Variants in REDIC1 observed in about 807,000 individuals in gnomAD.
REDIC1 encodes the protein regulator of DNA class I crossover intermediates 1.
At chr12:39,851,610 T>C in the REDIC1 span, among the ~76,000 whole-genome samples, 1 of 152,076 alleles carries the variant, frequency 6.6e-6, no homozygotes, top group Non-Finnish European at 1.5e-5. Flanking sequence ...GAGTAATAGG[T>C]TTCTACAGTA....
At chr12:39,647,886 C>T in the REDIC1 span, 21 of 1,606,574 alleles carry the variant, frequency 1.3e-5, no homozygotes, top group Non-Finnish European at 1.7e-5. Flanking sequence ...GTGGAGTTAC[C>T]TTCTAACAGA....
At chr12:39,692,177 T>A in the REDIC1 span, 1 of 1,339,910 alleles carries the variant, frequency 7.5e-7, no homozygotes. Context: ...TAGAAATCAG[T>A]TAAATTTGAA....
chr12:39,658,963 A>T, the REDIC1 span, among the ~76,000 whole-genome samples: 3 of 152,014 alleles, frequency 2.0e-5, no homozygotes, highest in African/African-American at 4.8e-5. Context: ...TATGTTTCTT[A>T]TATTTAAGCA....
chr12:39,786,294 T>G, the REDIC1 span, among the ~76,000 whole-genome samples: 2 of 151,940 alleles, frequency 1.3e-5, no homozygotes, highest in African/African-American at 4.8e-5. Flanking sequence ...GATCTGATGG[T>G]TTTATCAGGG....
the REDIC1 span, among the ~76,000 whole-genome samples, chr12:39,732,592 A>G: frequency 6.6e-6 from 1 of 152,220 alleles, no homozygotes; most frequent in Admixed American, 6.5e-5. Flanking sequence ...ATCTACTATT[A>G]AGATACCTAG....
chr12:39,701,026 A>T, the REDIC1 span, among the ~76,000 whole-genome samples: 64 of 152,190 alleles, frequency 4.2e-4, no homozygotes, highest in Admixed American at 4.2e-3. Flanking sequence ...AAACTGCATC[A>T]ACTAACGAGC....
the REDIC1 span, chr12:39,640,971 A>T: frequency 1.1e-5 from 18 of 1,610,542 alleles, no homozygotes; most frequent in Admixed American, 2.5e-4. Flanking sequence ...GGTTCTGATC[A>T]AGCAGGAAAG....
chr12:39,708,950 T>G, the REDIC1 span, among the ~76,000 whole-genome samples: 2 of 151,924 alleles, frequency 1.3e-5, no homozygotes, highest in East Asian at 3.9e-4. Context: ...GTTAGTTTAG[T>G]ATGAAGTATT....
chr12:39,791,064 GTTGT>G, the REDIC1 span, among the ~76,000 whole-genome samples: 10 of 140,650 alleles, frequency 7.1e-5, no homozygotes, highest in African/African-American at 2.6e-4. Context: ...TTTTGATGGG[GTTGT>G]TTGTTTTTTT....
the REDIC1 span, chr12:39,764,882 A>T: frequency 6.2e-7 from 1 of 1,604,748 alleles, no homozygotes; most frequent in Non-Finnish European, 8.5e-7. Context: ...CAATATAAGT[A>T]TTAACTTAAT....
the REDIC1 span, chr12:39,819,825 T>C: frequency 6.5e-6 from 1 of 154,558 alleles, no homozygotes; most frequent in Non-Finnish European, 1.5e-5. Context: ...CAGACATTGC[T>C]CTAGCACAAA....
chr12:39,902,040 T>C, the REDIC1 span, among the ~76,000 whole-genome samples: 2 of 151,902 alleles, frequency 1.3e-5, no homozygotes, highest in South Asian at 2.1e-4. Flanking sequence ...ATGTCCTTTG[T>C]AGGGACATGG....
At chr12:39,671,520 C>A in the REDIC1 span, among the ~76,000 whole-genome samples, 1 of 152,138 alleles carries the variant, frequency 6.6e-6, no homozygotes, top group South Asian at 2.1e-4. Context: ...TGGCAGCTTG[C>A]TCAGGTTCTG....
chr12:39,846,700 C>T, the REDIC1 span, among the ~76,000 whole-genome samples: 2,288 of 152,234 alleles, frequency 0.015, 54 homozygotes, highest in African/African-American at 0.052. Flanking sequence ...GATCCACTGG[C>T]CTCGGCCTCC....
chr12:39,701,985 C>T, the REDIC1 span, among the ~76,000 whole-genome samples: 2 of 151,978 alleles, frequency 1.3e-5, no homozygotes, highest in African/African-American at 4.8e-5. Flanking sequence ...CAAGAGAAAG[C>T]AGGAAAGATC....
chr12:39,759,376 T>C, the REDIC1 span: 1 of 152,268 alleles, frequency 6.6e-6, no homozygotes, highest in Non-Finnish European at 1.5e-5. Context: ...TATATTTTCA[T>C]AATGTTCAAA....
the REDIC1 span, among the ~76,000 whole-genome samples, chr12:39,716,361 A>T: frequency 6.6e-6 from 1 of 152,024 alleles, no homozygotes; most frequent in African/African-American, 2.4e-5. Context: ...GTAAACTTTC[A>T]TTTACTAGAT....
chr12:39,810,875 C>A, the REDIC1 span, among the ~76,000 whole-genome samples: 1 of 151,986 alleles, frequency 6.6e-6, no homozygotes, highest in African/African-American at 2.4e-5. Context: ...CTGCGATGTT[C>A]ATCTATAGTT....
chr12:39,699,246 C>T, the REDIC1 span, among the ~76,000 whole-genome samples: 1 of 152,244 alleles, frequency 6.6e-6, no homozygotes, highest in East Asian at 1.9e-4. Context: ...GGTGTGCGCA[C>T]CATGCATGAG....
Sources: allele counts gnomAD v4.1 joint callset (sites outside exome capture counted in the v4.1 genomes callset), GRCh38; gene constraint gnomAD v4.1.1; transcripts MANE v1.5; gene names NCBI Gene and HGNC (gene_info 2026-07-23, HGNC 2026-07-21).